NFIL3: variants seen among roughly 807,000 people sequenced by gnomAD.
The protein encoded by NFIL3 is nuclear factor interleukin-3-regulated protein.
A neutral mutation model predicts 10.0 loss-of-function variants in NFIL3; 5 were observed. That is an observed-to-expected ratio of 0.50 (90% confidence interval 0.26 to 1.06). The LOEUF is 1.06. Ranked by LOEUF, NFIL3 falls within the 50% of genes least tolerant of loss-of-function variation. NFIL3 has a pLI of 0.13. For synonymous variants in NFIL3, 202 were observed against 206.5 expected (o/e 0.98, Z 0.19); for missense variants, 436 against 547.6 (o/e 0.80, Z 2.03).
At chr9:91,425,105 AG>A (rs1833856378), upstream of NFIL3, among the ~76,000 whole-genome samples, 1 of 152,208 alleles carries the variant, frequency 6.6e-6, no homozygotes, top group Non-Finnish European at 1.5e-5. Flanking sequence ...GCAGGTGGGC[AG>A]GACCTCCACC....
chr9:91,454,974 T>A, the NFIL3 span, among the ~76,000 whole-genome samples: 1 of 152,234 alleles, frequency 6.6e-6, no homozygotes, highest in Non-Finnish European at 1.5e-5. Flanking sequence ...CAGTAATTGC[T>A]AGGGACATCA....
At chr9:91,476,600 C>T in the NFIL3 span, among the ~76,000 whole-genome samples, 3 of 151,800 alleles carry the variant, frequency 2.0e-5, no homozygotes, top group Non-Finnish European at 4.4e-5. Context: ...GTCCAATTGT[C>T]TATTTATGGA....
chr9:91,465,231 G>A, the NFIL3 span, among the ~76,000 whole-genome samples: 1 of 151,906 alleles, frequency 6.6e-6, no homozygotes, highest in Non-Finnish European at 1.5e-5. Flanking sequence ...CGTATACACT[G>A]CCCATTTTGA....
At chr9:91,426,126 T>C (rs923896455), upstream of NFIL3, 1 of 152,230 alleles carries the variant, frequency 6.6e-6, no homozygotes, top group Admixed American at 6.5e-5. Flanking sequence ...TGGAAACTTA[T>C]TCTTTATGCT....
rs767554303 is a variant in NFIL3, at chr9:91,409,485, T to G, written c.1250A>C (p.Glu417Ala). 8 of 1,614,058 alleles carry G rather than the reference T, an allele frequency of 5.0e-6. No individual in the cohort carries two copies. In the Admixed American group the frequency reaches 6.7e-5, roughly 13 times the overall value. ...AACTTTGTAGCCACTGTCTTTCATT[T>G]CAACAACTCCAGTTTTGAAACTATT... ...TQNSFKTGVV[E>A]MKDSGYKVSD... The change falls in exon 2 of 2, where the codon GAA (glutamate) becomes GCA (alanine). Residue 417 changes from glutamate to alanine, a missense_variant. Glu to Ala is a moderately radical substitution (Grantham distance 107). Transcript: ENST00000297689.
the NFIL3 span, among the ~76,000 whole-genome samples, chr9:91,442,604 G>A: frequency 6.6e-6 from 1 of 152,186 alleles, no homozygotes; most frequent in Non-Finnish European, 1.5e-5. Flanking sequence ...GCACAGCCAG[G>A]CATGCTGGCT....
chr9:91,417,566 G>A (rs1564157679), intron 1 of NFIL3, among the ~76,000 whole-genome samples: 1 of 152,098 alleles, frequency 6.6e-6, no homozygotes, highest in Non-Finnish European at 1.5e-5. Context: ...TAAAAGCAGA[G>A]ATGAAATAAG....
chr9:91,469,694 A>T, the NFIL3 span, among the ~76,000 whole-genome samples: 4 of 152,180 alleles, frequency 2.6e-5, no homozygotes, highest in African/African-American at 9.7e-5. Flanking sequence ...TATTATTTTG[A>T]GATACATCCC....
At chr9:91,430,579 AT>A in the NFIL3 span, among the ~76,000 whole-genome samples, 22 of 152,204 alleles carry the variant, frequency 1.4e-4, no homozygotes, top group Middle Eastern at 3.2e-3. Context: ...GGAGACCCAC[AT>A]TCCATTGAAG....
the NFIL3 span, among the ~76,000 whole-genome samples, chr9:91,455,745 C>G: frequency 6.6e-6 from 1 of 152,190 alleles, no homozygotes. Flanking sequence ...GTGACACCAT[C>G]ACCACATTCA....
the NFIL3 span, among the ~76,000 whole-genome samples, chr9:91,474,455 T>C: frequency 6.6e-6 from 1 of 152,206 alleles, no homozygotes; most frequent in Non-Finnish European, 1.5e-5. Flanking sequence ...GCTCCTTGGC[T>C]TCTGTTCCAG....
upstream of NFIL3, among the ~76,000 whole-genome samples, chr9:91,425,865 A>G (rs990727344): frequency 6.6e-6 from 1 of 152,238 alleles, no homozygotes; most frequent in Non-Finnish European, 1.5e-5. Flanking sequence ...AGATGAAATC[A>G]AAATCATATC....
chr9:91,474,400 A>G, the NFIL3 span, among the ~76,000 whole-genome samples: 1 of 152,030 alleles, frequency 6.6e-6, no homozygotes, highest in Non-Finnish European at 1.5e-5. Flanking sequence ...ATTGGTGTAT[A>G]ATTTAGGTTT....
chr9:91,464,326 G>A, the NFIL3 span, among the ~76,000 whole-genome samples: 4,574 of 151,596 alleles, frequency 0.03, 95 homozygotes, highest in East Asian at 0.093. Flanking sequence ...AATTTTTTTA[G>A]TGGTTGTCCT....
chr9:91,461,512 G>A, the NFIL3 span, among the ~76,000 whole-genome samples: 3 of 152,176 alleles, frequency 2.0e-5, no homozygotes, highest in South Asian at 2.1e-4. Flanking sequence ...TAGATCTGGA[G>A]GTCAGAAGTC....
chr9:91,425,198 T>C (rs1317874549), upstream of NFIL3, among the ~76,000 whole-genome samples: 1 of 152,188 alleles, frequency 6.6e-6, no homozygotes, highest in Non-Finnish European at 1.5e-5. Flanking sequence ...TTTTGCTCCT[T>C]TCGTTTTTAA....
the NFIL3 span, among the ~76,000 whole-genome samples, chr9:91,466,776 C>T: frequency 2.6e-5 from 4 of 152,066 alleles, no homozygotes; most frequent in African/African-American, 7.2e-5. Context: ...GAGGTATATA[C>T]GGGTGTCAAG....
the NFIL3 span, among the ~76,000 whole-genome samples, chr9:91,453,797 G>A: frequency 6.6e-6 from 1 of 152,008 alleles, no homozygotes; most frequent in South Asian, 2.1e-4. Context: ...CAAAATGAGG[G>A]CAAGTCTTAC....
rs1472731528 is a variant in NFIL3, at chr9:91,409,782, A to C, written c.953T>G (p.Val318Gly). The C allele has an allele frequency of 6.2e-7, 1 of 1,614,180 alleles. No individual in the cohort carries two copies. Among genetic ancestry groups the C allele is most frequent in the South Asian group, 1.1e-5 (1 of 91,076 alleles). ...VHATVVKVPE[V>G]NSSALPHKLR... The stretch of plus-strand genomic sequence containing the variant: ...CTTGTGTGGCAAGGCAGAGGAATTC[A>C]CTTCTGGAACTTTAACCACAGTTGC... Residue 318 changes from valine (V) to glycine (G), a missense_variant, in exon 2 of 2, where the codon GTG (valine) becomes GGG (glycine). Physicochemically the swap from Val to Gly is moderately radical, Grantham distance 109. Around this residue, in one of 3 missense-constraint regions of NFIL3, gnomAD observed 338 missense variants for 399.9 expected, o/e 0.85. Transcript: ENST00000297689.
Sources: gnomAD v4.1 joint callset for allele counts (sites outside exome capture counted in the v4.1 genomes callset) on GRCh38, gnomAD v4.1.1 for gene constraint, gnomAD v4.1.1 regional missense constraint, MANE v1.5 for transcripts, NCBI Gene and HGNC (gene_info 2026-07-23, HGNC 2026-07-21) for gene names.